VAV2: variants seen among roughly 807,000 people sequenced by gnomAD.
The protein encoded by VAV2 is guanine nucleotide exchange factor VAV2.
A neutral mutation model predicts 132.5 loss-of-function variants in VAV2; 67 were observed. That is an observed-to-expected ratio of 0.51 (90% confidence interval 0.42 to 0.62). VAV2 has a LOEUF of 0.62. Ranked by LOEUF, VAV2 falls within the 20% of genes least tolerant of loss-of-function variation. VAV2 has a pLI of 0.00. For missense variants in VAV2, 938 were observed against 1,153.6 expected (o/e 0.81, Z 2.71); for synonymous variants, 492 against 443.5 (o/e 1.11, Z -1.37).
rs1468654880 is a variant in VAV2 at position 133,810,249 on chromosome 9, G to C, written c.553-44C>G. 4 of 1,612,166 alleles carry C rather than the reference G, an allele frequency of 2.5e-6. No homozygotes were observed. In the East Asian group the frequency reaches 8.9e-5, roughly 36 times the overall value. On this transcript the variant is annotated intron_variant, in intron 5 of 29. Transcript: ENST00000371850. ...AACCAGAAACAGCGCCGGTTAGCAG[G>C]GCCCACACTGTCCTGGCAAGCTGGG...
chr9:133,786,506 G>T (rs1243354483), intron 16 of VAV2, among the ~76,000 whole-genome samples: 1 of 152,186 alleles, frequency 6.6e-6, no homozygotes, highest in African/African-American at 2.4e-5. Context: ...CAGGATCCCA[G>T]GAAGGATGAG....
chr9:133,850,437 G>A (rs1837121089), intron 3 of VAV2, among the ~76,000 whole-genome samples: 1 of 152,200 alleles, frequency 6.6e-6, no homozygotes, highest in African/African-American at 2.4e-5. Flanking sequence ...CTGGCCCCGG[G>A]CCCAGCAGAA....
chr9:133,924,174 G>C (rs1840391459), intron 2 of VAV2, among the ~76,000 whole-genome samples: 1 of 152,032 alleles, frequency 6.6e-6, no homozygotes. Context: ...GGTCTTGAAG[G>C]CATTATTTAT....
chr9:133,900,946 C>T (rs906473201), intron 2 of VAV2, among the ~76,000 whole-genome samples: 20 of 151,918 alleles, frequency 1.3e-4, no homozygotes, highest in African/African-American at 4.6e-4. Context: ...ATTACAGGTG[C>T]GTGTCATCAC....
intron 4 of VAV2, among the ~76,000 whole-genome samples, chr9:133,814,060 G>A (rs998756234): frequency 5.3e-5 from 8 of 152,176 alleles, no homozygotes; most frequent in Non-Finnish European, 8.8e-5. Context: ...TCAGCCGTGC[G>A]GGAGAACTGA....
At chr9:133,937,458 AGT>A (rs1432936493) in intron 2 of VAV2, among the ~76,000 whole-genome samples, 1 of 110,100 alleles carries the variant, frequency 9.1e-6, no homozygotes, top group Non-Finnish European at 2.3e-5. Flanking sequence ...TGTGTGTCTG[AGT>A]GTGAGTGTGA....
At chr9:133,963,964 A>G (rs1842043187) in intron 1 of VAV2, among the ~76,000 whole-genome samples, 1 of 149,764 alleles carries the variant, frequency 6.7e-6, no homozygotes, top group East Asian at 1.9e-4. Context: ...AATTAAATGT[A>G]AATAGCTCTC....
intron 2 of VAV2, among the ~76,000 whole-genome samples, chr9:133,899,202 G>A (rs373985688): frequency 2.6e-5 from 4 of 151,700 alleles, no homozygotes; most frequent in Admixed American, 6.6e-5. Flanking sequence ...TCACAAACGC[G>A]GAATAACAAT....
In VAV2 at chr9:133,824,180, G is replaced by T. The variant is rs939565138; in HGVS notation, c.449+10092C>A. ...CGGTCTCCACAGCCAGCCCCACAGG[G>T]AAGTGCTGATGGCTCTGTTAACAGG... On this transcript the variant is annotated intron_variant, in intron 4 of 29. Transcript: ENST00000371850. The surrounding 1 kb of genome is among the most constrained non-coding windows in gnomAD (Gnocchi z 5.2). Among the ~76,000 whole-genome samples the T allele has an allele frequency of 6.6e-6, 1 of 152,150 alleles. No homozygotes were observed. Among genetic ancestry groups the T allele is most frequent in the African/African-American group, 2.4e-5 (1 of 41,432 alleles).
chr9:133,933,730 G>GA (rs149852975), intron 2 of VAV2, among the ~76,000 whole-genome samples: 9 of 132,690 alleles, frequency 6.8e-5, no homozygotes, highest in South Asian at 2.6e-4. Context: ...TGGATGGATG[G>GA]TGGATGAATG....
At chr9:133,865,657 G>A (rs772608599) in intron 2 of VAV2, among the ~76,000 whole-genome samples, 1 of 152,072 alleles carries the variant, frequency 6.6e-6, no homozygotes. Context: ...TCCGAGAATA[G>A]AAATTCTCTC....
At chr9:133,986,537 G>A (rs1842861335) in intron 1 of VAV2, among the ~76,000 whole-genome samples, 2 of 152,224 alleles carry the variant, frequency 1.3e-5, no homozygotes, top group Non-Finnish European at 1.5e-5. Context: ...TTGGCTGGAT[G>A]GAGACAGCAG....
chr9:133,977,302 C>T (rs1439810973), intron 1 of VAV2, among the ~76,000 whole-genome samples: 2 of 152,204 alleles, frequency 1.3e-5, no homozygotes, highest in African/African-American at 4.8e-5. Flanking sequence ...TTGGCTTTCA[C>T]CAAAATGACT....
intron 2 of VAV2, among the ~76,000 whole-genome samples, chr9:133,877,937 T>C (rs772538664): frequency 1.4e-4 from 22 of 152,218 alleles, no homozygotes; most frequent in Non-Finnish European, 2.6e-4. Context: ...GAATCTCCTC[T>C]GCGACGTCAA....
chr9:133,983,819 G>A (rs1156790556), intron 1 of VAV2, among the ~76,000 whole-genome samples: 3 of 21,556 alleles, frequency 1.4e-4, no homozygotes, highest in African/African-American at 5.6e-4. Context: ...CACGCTCCCC[G>A]GCTCCTGCCC....
At chr9:133,796,319 A>G in intron 11 of VAV2, 110 bp downstream of exon 11, 1 of 871,240 alleles carries the variant, frequency 1.1e-6, no homozygotes, top group Non-Finnish European at 1.7e-6. Flanking sequence ...ACTTGTCTAT[A>G]TTCAACTTAA....
chr9:133,984,677 G>A (rs1842795791), intron 1 of VAV2, among the ~76,000 whole-genome samples: 2 of 152,042 alleles, frequency 1.3e-5, no homozygotes, highest in South Asian at 4.1e-4. Flanking sequence ...CCCCTCAAGA[G>A]CAGTAATGCC....
rs1185925950 is a variant in VAV2 at position 133,863,478 on chromosome 9, G to A, written c.322-2046C>T. On this transcript the variant is annotated intron_variant, in intron 2 of 29. Transcript: ENST00000371850. This position sits in a 1 kb window ranked among gnomAD's most constrained non-coding sequence, Gnocchi z 5.0. ...GAGACAGAGAGGAGGCGTGGCGGGC[G>A]AGCCAGCCAAGGCCAGAACATGGTT... 2.6e-5 allele frequency among the ~76,000 whole-genome samples: 4 copies of A among 152,234 alleles called. No homozygotes were observed. Among genetic ancestry groups the A allele is most frequent in the East Asian group, 3.9e-4 (2 of 5,194 alleles).
At chr9:133,936,542 C>T (rs1470928061) in intron 2 of VAV2, among the ~76,000 whole-genome samples, 2 of 152,174 alleles carry the variant, frequency 1.3e-5, no homozygotes, top group Non-Finnish European at 2.9e-5. Context: ...CATGCCCGAC[C>T]CAGCCATTGC....
Sources: gnomAD v4.1 joint callset for allele counts (sites outside exome capture counted in the v4.1 genomes callset) on GRCh38, gnomAD v4.1.1 for gene constraint, Gnocchi (gnomAD v3.1) non-coding constraint, MANE v1.5 for transcripts, NCBI Gene and HGNC (gene_info 2026-07-23, HGNC 2026-07-21) for gene names.